FBXO11: variants seen among roughly 807,000 people sequenced by gnomAD.
FBXO11 encodes the protein F-box protein 11, also known as F-box only protein 11.
Under a neutral mutation model 117.0 loss-of-function variants are expected in FBXO11, and 13 were observed. The observed-to-expected ratio is 0.11, with a 90% CI of 0.07 to 0.18. The LOEUF is 0.18. Among genes scored for constraint, FBXO11 ranks in the 10% least tolerant of loss-of-function variants. FBXO11 has a pLI of 1.00. For synonymous variants in FBXO11, 490 were observed against 380.5 expected, an observed-to-expected ratio of 1.29 and a Z score of -3.35; for missense variants, 767 against 1,164.4, an observed-to-expected ratio of 0.66 and a Z score of 4.97.
intron 1 of FBXO11, among the ~76,000 whole-genome samples, chr2:47,879,967 T>A (rs935370480): frequency 6.6e-6 from 1 of 152,132 alleles, no homozygotes; most frequent in Admixed American, 6.6e-5. Flanking sequence ...TTTCATTGTA[T>A]GTATATACAT....
At chr2:47,830,109 G>A (rs564892310) in intron 11 of FBXO11, among the ~76,000 whole-genome samples, 1 of 152,114 alleles carries the variant, frequency 6.6e-6, no homozygotes, top group South Asian at 2.1e-4. Flanking sequence ...AGTTTCTAAA[G>A]AAAGGAACAT....
At chr2:47,887,226 G>A (rs940476267) in intron 1 of FBXO11, among the ~76,000 whole-genome samples, 8 of 151,082 alleles carry the variant, frequency 5.3e-5, no homozygotes, top group African/African-American at 9.7e-5. Flanking sequence ...TGGAGGTTGC[G>A]GTGAGCTGAG....
rs2104809426 is a variant in FBXO11 at position 47,832,644 on chromosome 2, T to C, written c.1188A>G (p.Ala396=). 1 of 1,613,978 alleles carries C rather than the reference T, an allele frequency of 6.2e-7. No homozygotes were observed. The highest frequency in any genetic ancestry group is 8.5e-7 in the Non-Finnish European group (1 of 1,179,942). Residue 396 remains alanine (A), a synonymous_variant, in exon 10 of 23, where the codon GCA becomes GCG. Transcript: ENST00000403359. ...GSAVCVSGQG[A]CPTIKHCNIS... ...TGTTACAGTGCTTGATGGTGGGACA[T>C]GCTCCTTGACCACTAACACATACTG...
intron 1 of FBXO11, among the ~76,000 whole-genome samples, chr2:47,849,084 T>C (rs374902586): frequency 4.6e-5 from 7 of 152,346 alleles, no homozygotes; most frequent in African/African-American, 7.2e-5. Flanking sequence ...CCCAGTCTCA[T>C]GGCGTAAAGG....
chr2:47,868,014 A>G (rs941829802), intron 1 of FBXO11, among the ~76,000 whole-genome samples: 1 of 152,182 alleles, frequency 6.6e-6, no homozygotes, highest in Non-Finnish European at 1.5e-5. Flanking sequence ...AAAGTGAGTG[A>G]AGTAAAACAT....
chr2:47,887,571 C>G (rs1676954980), intron 1 of FBXO11, among the ~76,000 whole-genome samples: 1 of 151,730 alleles, frequency 6.6e-6, no homozygotes, highest in Non-Finnish European at 1.5e-5. Flanking sequence ...CTACAAAACA[C>G]TTTGTGGGGC....
intron 7 of FBXO11, 98 bp downstream of exon 7, chr2:47,834,481 T>C (rs1672413427): frequency 1.2e-6 from 1 of 845,254 alleles, no homozygotes; most frequent in Non-Finnish European, 1.8e-6. Context: ...ACCAGCAGGA[T>C]ATTATAAAAC....
intron 13 of FBXO11, among the ~76,000 whole-genome samples, 157 bp downstream of exon 13, chr2:47,822,060 TG>T (rs1460674668): frequency 1.3e-5 from 2 of 152,168 alleles, no homozygotes; most frequent in African/African-American, 2.4e-5. Context: ...TGCTCCAGTC[TG>T]CACAAGAGAG....
chr2:47,836,993 C>T (rs1293229184), intron 4 of FBXO11: 1 of 333,452 alleles, frequency 3.0e-6, no homozygotes, highest in African/African-American at 2.3e-5. Context: ...CCACTTCAGC[C>T]TCCCAAAGTG....
intron 1 of FBXO11, among the ~76,000 whole-genome samples, chr2:47,890,996 A>AT (rs138415577): frequency 0.15 from 22,499 of 149,004 alleles, 1,797 homozygotes; most frequent in Non-Finnish European, 0.18. Context: ...TTTTTTTTTA[A>AT]TTTTTTTTGT....
At chr2:47,886,460 C>A (rs1004336744) in intron 1 of FBXO11, among the ~76,000 whole-genome samples, 1 of 148,898 alleles carries the variant, frequency 6.7e-6, no homozygotes, top group Non-Finnish European at 1.5e-5. Context: ...GAGCTGAGAT[C>A]GCGCCACTGC....
Position 47,868,833 on chromosome 2 carries a change from G to A in FBXO11, c.233-29064C>T, listed in dbSNP as rs78025398. Among the ~76,000 whole-genome samples the A allele has an allele frequency of 4.7e-3, 716 of 152,276 alleles. 30 individuals carry two copies. In the South Asian group the frequency reaches 0.083, roughly 18 times the overall value. The stretch of plus-strand genomic sequence containing the variant: ...GTGATCAGCCAGGTACCTAGTGGCA[G>A]GTGGATTACACTGGACCATTTCCAT... On this transcript the variant is annotated intron_variant, in intron 1 of 22. Transcript: ENST00000403359.
At chr2:47,890,836 G>C (rs1055475280) in intron 1 of FBXO11, among the ~76,000 whole-genome samples, 5 of 151,766 alleles carry the variant, frequency 3.3e-5, no homozygotes, top group Non-Finnish European at 7.4e-5. Context: ...TATTATTATT[G>C]AGACACAGTC....
chr2:47,905,577 CGGCGGCGGAGGCTGCTGCTGG>C lies in FBXO11; in HGVS notation c.123_143del (p.Gln42_Pro48del), dbSNP rs1315799213. 8 of 1,257,478 alleles carry C rather than the reference CGGCGGCGGAGGCTGCTGCTGG, an allele frequency of 6.4e-6. No individual in the cohort carries two copies. Among genetic ancestry groups the C allele is most frequent in the African/African-American group, 4.7e-5 (3 of 63,794 alleles). The allele number at this position is 1,257,478 out of a possible 1,614,324, so 77.9% of individuals were successfully genotyped here. Reference sequence around the variant, plus strand: ...GCTGCTGCTGCTGCTGCTGCTGCGGCGGCGGCGGAGGCTGCTGCTGGGGCGGCTGCTGCTGGGGCGGCTGCG... The same window carrying C: ...GCTGCTGCTGCTGCTGCTGCTGCGGCGGCGGCTGCTGCTGGGGCGGCTGCG... On this transcript the variant is annotated inframe_deletion, in exon 1 of 23. Coordinates refer to ENST00000403359, the MANE Select transcript of FBXO11 (RefSeq NM_001190274.2).
chr2:47,854,777 G>A (rs1242707010), intron 1 of FBXO11, among the ~76,000 whole-genome samples: 1 of 152,000 alleles, frequency 6.6e-6, no homozygotes, highest in Non-Finnish European at 1.5e-5. Flanking sequence ...GGTGGACCAG[G>A]ATCACGCTTT....
At chr2:47,869,888 G>C (rs1004009075) in intron 1 of FBXO11, among the ~76,000 whole-genome samples, 1 of 152,146 alleles carries the variant, frequency 6.6e-6, no homozygotes, top group African/African-American at 2.4e-5. Flanking sequence ...TGTTGGCCAG[G>C]CTAGTCTTGA....
At chr2:47,889,357 T>C (rs1289998182) in intron 1 of FBXO11, among the ~76,000 whole-genome samples, 1 of 152,196 alleles carries the variant, frequency 6.6e-6, no homozygotes, top group Non-Finnish European at 1.5e-5. Flanking sequence ...ACCACATCAG[T>C]AGCTTCCAAT....
At position 47,845,888 on chromosome 2, in the gene FBXO11, GA is replaced by G. The variant is rs376028845; in HGVS notation, c.233-6120del. Among the ~76,000 whole-genome samples the G allele has an allele frequency of 3.6e-4, 52 of 142,702 alleles. 1 individual carries two copies. The highest frequency in any genetic ancestry group is 7.3e-3 in the Middle Eastern group (2 of 274). 93.6% of individuals were successfully genotyped at this position (142,702 alleles called of 152,430 possible). A position where few individuals can be genotyped will look rare whatever the true frequency, so the allele number is the denominator to read the frequency against. On this transcript the variant is annotated intron_variant, in intron 1 of 22. Coordinates refer to ENST00000403359, the MANE Select transcript of FBXO11 (RefSeq NM_001190274.2). ...TGGTGGCTTATCTCCTACTTTACAGGAAAAAAAAAAACCAAACAAGAACTGC... is the reference window on the plus strand; with the variant it reads ...TGGTGGCTTATCTCCTACTTTACAGGAAAAAAAAAACCAAACAAGAACTGC...
chr2:47,850,550 G>T (rs888303702), intron 1 of FBXO11, among the ~76,000 whole-genome samples: 6 of 152,162 alleles, frequency 3.9e-5, no homozygotes, highest in Non-Finnish European at 8.8e-5. Flanking sequence ...GCCATATGAT[G>T]TAAAGTGGAC....
Sources: allele counts gnomAD v4.1 joint callset (sites outside exome capture counted in the v4.1 genomes callset), GRCh38; gene constraint gnomAD v4.1.1; transcripts MANE v1.5; gene names NCBI Gene and HGNC (gene_info 2026-07-23, HGNC 2026-07-21).